The following GANC variants were observed in gnomAD, a reference collection of about 807,000 sequenced individuals.
GANC encodes neutral alpha-glucosidase C.
GANC carries 117 observed loss-of-function variants against 124.2 expected under a neutral mutation model. The observed-to-expected ratio is 0.94, with a 90% CI of 0.81 to 1.10. The LOEUF (loss-of-function observed/expected upper bound fraction) is 1.10. GANC is among the 50% of genes least tolerant of loss of function. GANC has a pLI of 0.00. For synonymous variants in GANC, 377 were observed against 376.8 expected, an observed-to-expected ratio of 1.00 and a Z score of -0.01; for missense variants, 1,140 against 1,095.0, an observed-to-expected ratio of 1.04 and a Z score of -0.58.
At chr15:42,308,342 T>G (rs760375625) in intron 8 of GANC, 24 bp downstream of exon 8, 2 of 1,441,126 alleles carry the variant, frequency 1.4e-6, no homozygotes. Context: ...AGAATTCTTA[T>G]GGGAGTCTCT....
intron 5 of GANC, among the ~76,000 whole-genome samples, chr15:42,295,884 A>G (rs577103342): frequency 2.0e-5 from 3 of 152,078 alleles, no homozygotes; most frequent in Non-Finnish European, 1.5e-5. Context: ...GCTCATGGCT[A>G]TAATACTAGC....
chr15:42,285,360 T>C (rs1405627413), intron 3 of GANC, among the ~76,000 whole-genome samples: 2 of 152,134 alleles, frequency 1.3e-5, no homozygotes, highest in Non-Finnish European at 2.9e-5. Flanking sequence ...CCCAAGTGGC[T>C]TTACTTATTG....
rs1190311031 is a variant in GANC, at chr15:42,280,781, A to T, written c.201+2191A>T. ...ATGAGGCAAAATCACCCGGAATATC[A>T]GTGGTGAGCCGAAATGAAAATTCTC... On this transcript the variant is annotated intron_variant, in intron 3 of 23. Coordinates refer to ENST00000318010, the MANE Select transcript of GANC (RefSeq NM_198141.3). 5 of 605,814 alleles carry T rather than the reference A, an allele frequency of 8.3e-6. No homozygotes were observed. The South Asian group carries it at 9.9e-5, about 12-fold the overall frequency. 37.5% of individuals were successfully genotyped at this position (605,814 alleles called of 1,614,324 possible).
chr15:42,289,936 C>A (rs917590669), intron 4 of GANC, among the ~76,000 whole-genome samples: 2 of 152,144 alleles, frequency 1.3e-5, no homozygotes, highest in African/African-American at 4.8e-5. Context: ...GGGACAACCA[C>A]GTGAAGACAT....
intron 20 of GANC, among the ~76,000 whole-genome samples, chr15:42,346,453 A>T (rs1291896370): frequency 2.6e-5 from 4 of 151,874 alleles, no homozygotes; most frequent in African/African-American, 9.7e-5. Flanking sequence ...TGGTTGCATG[A>T]CTCTGAATAT....
At chr15:42,279,258 C>A (rs893799756) in intron 3 of GANC, among the ~76,000 whole-genome samples, 3 of 152,186 alleles carry the variant, frequency 2.0e-5, no homozygotes, top group Admixed American at 2.0e-4. Context: ...AAAATTTTCT[C>A]CTGCATCTGT....
rs1359284681 is a variant in GANC, at chr15:42,280,837, A to T, written c.201+2247A>T. On this transcript the variant is annotated intron_variant, in intron 3 of 23. Transcript: ENST00000318010. ...AGCGTGATACCAGTTTGCGGTGGACACCCACATATGCCATTTCACGTTACT... is the reference window on the plus strand; with the variant it reads ...AGCGTGATACCAGTTTGCGGTGGACTCCCACATATGCCATTTCACGTTACT... 3 of 653,720 alleles carry T rather than the reference A, an allele frequency of 4.6e-6. No homozygotes were observed. In the African/African-American group the frequency reaches 5.4e-5, roughly 12 times the overall value. 40.5% of individuals were successfully genotyped at this position (653,720 alleles called of 1,614,324 possible).
intron 10 of GANC, among the ~76,000 whole-genome samples, chr15:42,317,770 A>G (rs1348751927): frequency 1.3e-5 from 2 of 152,218 alleles, no homozygotes; most frequent in Non-Finnish European, 2.9e-5. Context: ...ATGACAATTT[A>G]TGGATATGGG....
At position 42,338,490 on chromosome 15, in the gene GANC, G is replaced by A. The variant is rs1264766090; in HGVS notation, c.1843G>A (p.Ala615Thr). 3 of 1,597,718 alleles carry A rather than the reference G, an allele frequency of 1.9e-6. No individual in the cohort carries two copies. Among genetic ancestry groups the A allele is most frequent in the South Asian group, 2.2e-5 (2 of 90,690 alleles). Residue 615 changes from alanine (A) to threonine (T), a missense_variant and splice_region_variant, in exon 16 of 24, where the codon GCT becomes ACT. Physicochemically the swap from Ala to Thr is moderately conservative, Grantham distance 58. Coordinates refer to ENST00000318010, the MANE Select transcript of GANC (RefSeq NM_198141.3). ...CATTACTGGGATCTCTTTTTGCGGA[G>A]GTAAGATGAGTCCTTTGAGGCTTGA... ...LSITGISFCG[A>T]DIGGFIGNPE...
intron 6 of GANC, among the ~76,000 whole-genome samples, chr15:42,301,151 T>C (rs1280766215): frequency 6.6e-6 from 1 of 152,104 alleles, no homozygotes; most frequent in Non-Finnish European, 1.5e-5. Flanking sequence ...AATTTCCAAC[T>C]GAAGTGCCCT....
At chr15:42,279,967 G>A (rs996765214) in intron 3 of GANC, among the ~76,000 whole-genome samples, 1 of 152,192 alleles carries the variant, frequency 6.6e-6, no homozygotes, top group Non-Finnish European at 1.5e-5. Flanking sequence ...AAGAACAATT[G>A]TACAGTAAGG....
chr15:42,306,471 A>G lies in GANC; in HGVS notation c.559-75A>G, dbSNP rs528530462. 19 of 1,165,214 alleles carry G rather than the reference A, an allele frequency of 1.6e-5. No individual in the cohort carries two copies. In the East Asian group the frequency reaches 2.1e-4, roughly 13 times the overall value. 72.2% of individuals were successfully genotyped at this position (1,165,214 alleles called of 1,614,324 possible). A position where few individuals can be genotyped will look rare whatever the true frequency, so the allele number is the denominator to read the frequency against. On this transcript the variant is annotated intron_variant, in intron 6 of 23. Coordinates refer to ENST00000318010, the MANE Select transcript of GANC (RefSeq NM_198141.3). Reference sequence around the variant, plus strand: ...TCAGTCTTTTAAAAAAATAATCCAAATAAAATGAGCTATTGTGGTAAACAC... The same window carrying G: ...TCAGTCTTTTAAAAAAATAATCCAAGTAAAATGAGCTATTGTGGTAAACAC...
At position 42,306,616 on chromosome 15, in the gene GANC, A is replaced by T. The variant is rs761632227; in HGVS notation, c.625+4A>T. The T allele has an allele frequency of 1.2e-4, 195 of 1,586,818 alleles. No individual in the cohort carries two copies. Among genetic ancestry groups the T allele is most frequent in the Non-Finnish European group, 1.6e-4 (184 of 1,155,720 alleles). On this transcript the variant is annotated splice_donor_region_variant and intron_variant, in intron 7 of 23. Coordinates refer to ENST00000318010, the MANE Select transcript of GANC (RefSeq NM_198141.3). The stretch of plus-strand genomic sequence containing the variant: ...TTTGTGGATATCAAAGCTAATGGTA[A>T]AATTGAAACTGGTATAGTATTAAAA...
intron 10 of GANC, among the ~76,000 whole-genome samples, chr15:42,319,755 T>C (rs1033812213): frequency 5.9e-5 from 9 of 152,342 alleles, no homozygotes; most frequent in African/African-American, 2.2e-4. Context: ...CTTGGGACTC[T>C]AGAGTGTTTC....
At chr15:42,312,872 G>A (rs1015311779) in intron 10 of GANC, among the ~76,000 whole-genome samples, 2 of 151,820 alleles carry the variant, frequency 1.3e-5, no homozygotes, top group African/African-American at 4.8e-5. Flanking sequence ...AAGGCGAGGT[G>A]GAGGTTGCAG....
At chr15:42,279,561 C>T (rs1237730331) in intron 3 of GANC, among the ~76,000 whole-genome samples, 1 of 152,130 alleles carries the variant, frequency 6.6e-6, no homozygotes, top group African/African-American at 2.4e-5. Context: ...TTAGATGGGC[C>T]AGTCATAGAG....
At chr15:42,290,764 C>T (rs549588894) in intron 4 of GANC, among the ~76,000 whole-genome samples, 4 of 152,144 alleles carry the variant, frequency 2.6e-5, no homozygotes, top group Non-Finnish European at 5.9e-5. Context: ...ACTATGATCG[C>T]ACCACTGCAC....
intron 18 of GANC, among the ~76,000 whole-genome samples, 172 bp downstream of exon 18, chr15:42,340,926 C>T (rs562521829): frequency 1.3e-5 from 2 of 151,760 alleles, no homozygotes; most frequent in South Asian, 2.1e-4. Flanking sequence ...CCACCATGCC[C>T]GGCTAATTTT....
At chr15:42,346,615 G>A (rs1019676801) in intron 20 of GANC, among the ~76,000 whole-genome samples, 5 of 152,144 alleles carry the variant, frequency 3.3e-5, no homozygotes, top group Non-Finnish European at 5.9e-5. Flanking sequence ...CCTCTTCCCC[G>A]TATGTTTACA....
Sources: allele counts gnomAD v4.1 joint callset (sites outside exome capture counted in the v4.1 genomes callset), GRCh38; gene constraint gnomAD v4.1.1; transcripts MANE v1.5; gene names NCBI Gene and HGNC (gene_info 2026-07-23, HGNC 2026-07-21).